The following SLC4A7 variants were observed in gnomAD, a reference collection of about 807,000 sequenced individuals.
SLC4A7 encodes solute carrier family 4 member 7.
SLC4A7 carries 51 observed loss-of-function variants against 137.6 expected under a neutral mutation model. That is an observed-to-expected ratio of 0.37 (90% confidence interval 0.30 to 0.47). SLC4A7 has a LOEUF of 0.47. SLC4A7 is among the 20% of genes least tolerant of loss of function. The pLI is 1.00. For missense variants in SLC4A7, 1,247 were observed against 1,525.4 expected, an observed-to-expected ratio of 0.82 and a Z score of 3.04; for synonymous variants, 542 against 518.6, an observed-to-expected ratio of 1.05 and a Z score of -0.61.
At chr3:27,404,718 G>A (rs2053159471) in intron 14 of SLC4A7, 112 bp downstream of exon 14, 8 of 794,828 alleles carry the variant, frequency 1.0e-5, no homozygotes, top group South Asian at 5.7e-5. Context: ...CAAAAATAAT[G>A]AGAATGCATA....
chr3:27,382,858 A>G (rs1020777839), intron 24 of SLC4A7, among the ~76,000 whole-genome samples: 1 of 152,190 alleles, frequency 6.6e-6, no homozygotes, highest in Admixed American at 6.5e-5. Flanking sequence ...AGACTCATGT[A>G]CTGATTTTAA....
intron 20 of SLC4A7, 117 bp from the exon 21 acceptor site, chr3:27,391,925 C>T (rs2051599410): frequency 1.8e-6 from 1 of 561,308 alleles, no homozygotes; most frequent in Non-Finnish European, 3.1e-6. Flanking sequence ...ATTAGACCGA[C>T]CTAACATTTC....
intron 20 of SLC4A7, among the ~76,000 whole-genome samples, chr3:27,392,720 G>A (rs1216004815): frequency 3.9e-5 from 6 of 151,922 alleles, no homozygotes; most frequent in Admixed American, 6.6e-5. Flanking sequence ...CCAGCTACTC[G>A]GGAGGCTGAG....
intron 1 of SLC4A7, chr3:27,457,073 G>C: frequency 1.1e-5 from 3 of 278,280 alleles, no homozygotes; most frequent in Non-Finnish European, 1.6e-5. Flanking sequence ...AAAAAACAAA[G>C]TATTAATATG....
At position 27,452,427 on chromosome 3, in the gene SLC4A7, T is replaced by C. The variant is rs1168066416; in HGVS notation, c.132A>G (p.Glu44=). The change falls in exon 2 of 26, where the codon GAA becomes GAG. Residue 44 remains glutamate (E), a synonymous_variant. Coordinates refer to ENST00000454389, the MANE Select transcript of SLC4A7 (RefSeq NM_001321103.2). Reference sequence around the variant, plus strand: ...TTTAAACCAACTTACTTTCTAGTTCTTCTTTTTCAAACTTGGTGTTCACAG... The same window carrying C: ...TTTAAACCAACTTACTTTCTAGTTCCTCTTTTTCAAACTTGGTGTTCACAG... The part of the protein sequence containing the change: ...SSTVNTKFEK[E]ELESHRAVYI... 1 of 1,602,218 alleles carries C rather than the reference T, an allele frequency of 6.2e-7. No individual in the cohort carries two copies. Among genetic ancestry groups the C allele is most frequent in the Non-Finnish European group, 8.5e-7 (1 of 1,176,152 alleles).
At chr3:27,398,472 T>A (rs2052422793) in intron 16 of SLC4A7, 119 bp from the exon 17 acceptor site, 1 of 789,960 alleles carries the variant, frequency 1.3e-6, no homozygotes, top group South Asian at 2.7e-5. Flanking sequence ...TACTTTGTAT[T>A]CCTTATAAAG....
chr3:27,385,382 A>C (rs1413808647), intron 23 of SLC4A7, among the ~76,000 whole-genome samples: 1 of 152,206 alleles, frequency 6.6e-6, no homozygotes, highest in Non-Finnish European at 1.5e-5. Context: ...GTGCATATAA[A>C]GACTAAAACT....
intron 1 of SLC4A7, among the ~76,000 whole-genome samples, chr3:27,483,390 T>C (rs1022221924): frequency 4.6e-5 from 7 of 152,120 alleles, no homozygotes; most frequent in Admixed American, 3.3e-4. Context: ...CCCTCCTCCT[T>C]CTACTTGGCC....
chr3:27,484,060 C>T lies in SLC4A7; in HGVS notation c.60+7G>A. On this transcript the variant is annotated splice_region_variant and intron_variant, in intron 1 of 25. Coordinates refer to ENST00000454389, the MANE Select transcript of SLC4A7 (RefSeq NM_001321103.2). The stretch of plus-strand genomic sequence containing the variant: ...GCGGAGGAGCCCCACCGCCGCGGCG[C>T]CCTCACCCTGCTCGTTACCCGGGTG... 2 of 1,405,176 alleles carry T rather than the reference C, an allele frequency of 1.4e-6. No individual in the cohort carries two copies. Among genetic ancestry groups the T allele is most frequent in the Non-Finnish European group, 1.9e-6 (2 of 1,075,280 alleles). 87.0% of individuals were successfully genotyped at this position (1,405,176 alleles called of 1,614,324 possible). A position where few individuals can be genotyped will look rare whatever the true frequency, so the allele number is the denominator to read the frequency against.
intron 7 of SLC4A7, among the ~76,000 whole-genome samples, chr3:27,430,090 T>C (rs1162010595): frequency 1.5e-4 from 23 of 151,766 alleles, no homozygotes; most frequent in Admixed American, 1.5e-3. Context: ...GTGCCTGTAG[T>C]CTCAGCTACT....
At position 27,433,998 on chromosome 3, in the gene SLC4A7, T is replaced by A; in HGVS notation, c.696A>T (p.Arg232Ser). 1 of 1,613,940 alleles carries A rather than the reference T, an allele frequency of 6.2e-7. No individual in the cohort carries two copies. Among genetic ancestry groups the A allele is most frequent in the Non-Finnish European group, 8.5e-7 (1 of 1,179,912 alleles). ...LKRHHHQNEK[R>S]FTSRIPLVRS... The stretch of plus-strand genomic sequence containing the variant: ...GAACAAGAGGAATCCGACTGGTGAA[T>A]CTTTTCTCATTCTGATGATGATGTC... The change falls in exon 6 of 26, where the codon AGA (arginine) becomes AGT (serine). Residue 232 changes from arginine (R) to serine (S), a missense_variant. Arg to Ser is a moderately radical substitution (Grantham distance 110). This residue lies in a region of SLC4A7 where 223 missense variants were observed against 203.6 expected (regional missense o/e 1.10). Coordinates refer to ENST00000454389, the MANE Select transcript of SLC4A7 (RefSeq NM_001321103.2).
At chr3:27,403,411 G>A in intron 14 of SLC4A7, 27 bp from the exon 15 acceptor site, 1 of 1,506,300 alleles carries the variant, frequency 6.6e-7, no homozygotes. Context: ...ATATGAATAT[G>A]ATAAACATAT....
At chr3:27,397,154 G>A (rs896778749) in intron 18 of SLC4A7, among the ~76,000 whole-genome samples, 3 of 151,952 alleles carry the variant, frequency 2.0e-5, no homozygotes, top group East Asian at 1.9e-4. Context: ...TCAGCCTCCC[G>A]AGTAGCGGGA....
chr3:27,406,730 GA>G (rs1248276039), intron 13 of SLC4A7, among the ~76,000 whole-genome samples: 2 of 152,028 alleles, frequency 1.3e-5, no homozygotes, highest in Non-Finnish European at 2.9e-5. Context: ...AGGAGTTCAA[GA>G]ACAACCTGGG....
At chr3:27,387,039 C>A (rs930305123) in intron 22 of SLC4A7, among the ~76,000 whole-genome samples, 1 of 152,110 alleles carries the variant, frequency 6.6e-6, no homozygotes, top group Admixed American at 6.5e-5. Context: ...CATTTCTGGA[C>A]CCATTTGTCT....
rs764182616 is a variant in SLC4A7, at chr3:27,437,551, T to A, written c.290-25A>T. The stretch of plus-strand genomic sequence containing the variant: ...TCTTTACAAAATAAGAATTTACATA[T>A]ACTCAAATTTTTCCTCAAGTCATTC... On this transcript the variant is annotated intron_variant, in intron 3 of 25. Coordinates refer to ENST00000454389, the MANE Select transcript of SLC4A7 (RefSeq NM_001321103.2). 1.2e-4 allele frequency: 172 copies of A among 1,468,876 alleles called. 2 individuals carry two copies. In the Admixed American group the frequency reaches 4.3e-3, roughly 37 times the overall value. 91.0% of individuals were successfully genotyped at this position (1,468,876 alleles called of 1,614,324 possible).
At chr3:27,436,651 G>T (rs1322650364) in intron 4 of SLC4A7, 103 bp from the exon 5 acceptor site, 48 of 718,270 alleles carry the variant, frequency 6.7e-5, no homozygotes, top group Non-Finnish European at 8.5e-5. Flanking sequence ...AAAAAAAAAA[G>T]AAATAAAGAA....
intron 1 of SLC4A7, among the ~76,000 whole-genome samples, chr3:27,469,655 AG>A (rs2059153842): frequency 6.6e-6 from 1 of 152,188 alleles, no homozygotes; most frequent in African/African-American, 2.4e-5. Context: ...CAGGAGGCTG[AG>A]GCAGGAGAAT....
intron 3 of SLC4A7, among the ~76,000 whole-genome samples, chr3:27,443,595 G>GT (rs1487811036): frequency 6.6e-6 from 1 of 151,798 alleles, no homozygotes; most frequent in African/African-American, 2.4e-5. Flanking sequence ...TTAGCTAGAA[G>GT]TTTAAGTCAC....
Sources: allele counts gnomAD v4.1 joint callset (sites outside exome capture counted in the v4.1 genomes callset), GRCh38; gene constraint gnomAD v4.1.1; regional missense constraint gnomAD v4.1.1; transcripts MANE v1.5; gene names NCBI Gene and HGNC (gene_info 2026-07-23, HGNC 2026-07-21).